The following LRRK1 variants were observed in gnomAD, a reference collection of about 807,000 sequenced individuals.
LRRK1 encodes the protein leucine-rich repeat serine/threonine-protein kinase 1.
Under a neutral mutation model 209.1 loss-of-function variants are expected in LRRK1, and 113 were observed. The ratio of observed to expected loss-of-function variants is 0.54; its 90% confidence interval spans 0.46 to 0.63. LRRK1 has a LOEUF of 0.63. Among genes scored for constraint, LRRK1 ranks in the 30% least tolerant of loss-of-function variants. The pLI is 0.00. For synonymous variants in LRRK1, 1,144 were observed against 1,099.7 expected (o/e 1.04, Z -0.80); for missense variants, 2,284 against 2,632.2 (o/e 0.87, Z 2.89).
chr15:101,035,248 G>A (rs1052603101), intron 20 of LRRK1, among the ~76,000 whole-genome samples: 2 of 151,848 alleles, frequency 1.3e-5, no homozygotes, highest in Non-Finnish European at 2.9e-5. Context: ...CTAATGCTGA[G>A]AGTGGTATGT....
chr15:101,054,352 C>T (rs78755851), intron 26 of LRRK1, among the ~76,000 whole-genome samples: 1 of 152,328 alleles, frequency 6.6e-6, no homozygotes, highest in East Asian at 1.9e-4. Flanking sequence ...GATTTCGAAC[C>T]CTTGCTCATT....
rs749917918 is a variant in LRRK1 at position 101,065,768 on chromosome 15, C to G, written c.5331C>G (p.Cys1777Trp). The G allele has an allele frequency of 6.2e-7, 1 of 1,613,986 alleles. No individual in the cohort carries two copies. The highest frequency in any genetic ancestry group is 8.5e-7 in the Non-Finnish European group (1 of 1,180,028). ...TTYQLCARYFCGVPSPLRDMF... is the reference protein window; with the variant it reads ...TTYQLCARYFWGVPSPLRDMF... ...ACCAGCTGTGTGCCCGGTACTTCTG[C>G]GGGGTCCCCAGCCCCCTCAGGGACA... is the stretch of plus-strand genomic sequence containing the variant. Residue 1777 changes from cysteine (C) to tryptophan (W), a missense_variant, in exon 32 of 34, where the codon TGC becomes TGG. Coordinates refer to ENST00000388948, the MANE Select transcript of LRRK1 (RefSeq NM_024652.6).
chr15:101,061,150 C>T, intron 29 of LRRK1, 21 bp from the exon 30 acceptor site: 1 of 1,566,288 alleles, frequency 6.4e-7, no homozygotes. Flanking sequence ...GCACTGACAG[C>T]ACAGTTTCTG....
chr15:100,931,422 CTT>C (rs1349739496), intron 2 of LRRK1, among the ~76,000 whole-genome samples: 2 of 152,192 alleles, frequency 1.3e-5, no homozygotes, highest in Non-Finnish European at 2.9e-5. Flanking sequence ...CAGAGAACAT[CTT>C]AATCGATTAT....
intron 2 of LRRK1, among the ~76,000 whole-genome samples, chr15:100,950,244 T>C (rs1385480920): frequency 6.6e-6 from 1 of 151,996 alleles, no homozygotes; most frequent in Non-Finnish European, 1.5e-5. Flanking sequence ...ACATTTACAA[T>C]AGTATCCAAA....
Position 101,015,335 on chromosome 15 carries a change from T to TG in LRRK1, c.1544dup (p.Leu516ThrfsTer20). 3 of 1,613,816 alleles carry TG rather than the reference T, an allele frequency of 1.9e-6. No individual in the cohort carries two copies. The highest frequency in any genetic ancestry group is 2.5e-6 in the Non-Finnish European group (3 of 1,179,792). ...TTTTTCCTCCCCCCAGAAATGAAGA[T>TG]GGACTGAAAACGAAGCGTATTGCCT... On this transcript the variant is annotated frameshift_variant, in exon 12 of 34. Transcript: ENST00000388948. LOFTEE classifies it high-confidence loss of function.
chr15:101,017,579 T>C (rs901044456), intron 12 of LRRK1, among the ~76,000 whole-genome samples: 1 of 152,108 alleles, frequency 6.6e-6, no homozygotes, highest in Non-Finnish European at 1.5e-5. Context: ...TGGATTCTCA[T>C]AGGAGCGCGA....
intron 7 of LRRK1, among the ~76,000 whole-genome samples, chr15:101,010,105 G>A (rs995133283): frequency 4.6e-5 from 7 of 152,178 alleles, no homozygotes; most frequent in East Asian, 1.9e-4. Context: ...CCTTCACCTG[G>A]GCCAGATGGA....
At chr15:101,012,958 G>T (rs2033343396) in intron 10 of LRRK1, among the ~76,000 whole-genome samples, 1 of 152,136 alleles carries the variant, frequency 6.6e-6, no homozygotes, top group Non-Finnish European at 1.5e-5. Context: ...TTCAGGCCTT[G>T]TCCACAGCCC....
At chr15:100,978,317 A>G (rs2031411202) in intron 3 of LRRK1, among the ~76,000 whole-genome samples, 1 of 152,190 alleles carries the variant, frequency 6.6e-6, no homozygotes, top group African/African-American at 2.4e-5. Context: ...AGAAGGCAAG[A>G]CTGAAGGAGA....
chr15:101,032,330 G>A (rs2034318664), intron 20 of LRRK1, among the ~76,000 whole-genome samples: 1 of 151,498 alleles, frequency 6.6e-6, no homozygotes, highest in Admixed American at 6.6e-5. Flanking sequence ...TGTGCACAAC[G>A]TGCAGGTTTG....
chr15:101,042,304 T>C (rs2034801443), intron 20 of LRRK1, among the ~76,000 whole-genome samples: 1 of 123,562 alleles, frequency 8.1e-6, no homozygotes, highest in Admixed American at 8.8e-5. Context: ...GATGTAGAAT[T>C]CTGGGTCATT....
intron 2 of LRRK1, among the ~76,000 whole-genome samples, chr15:100,934,829 A>C (rs549710240): frequency 1.4e-3 from 210 of 148,588 alleles, no homozygotes; most frequent in African/African-American, 4.6e-3. Context: ...AAAAGGAAGG[A>C]AGAAGAAAAC....
At chr15:100,990,211 C>T (rs1473553738) in intron 6 of LRRK1, among the ~76,000 whole-genome samples, 3 of 152,164 alleles carry the variant, frequency 2.0e-5, no homozygotes. Context: ...AGTATTCTAT[C>T]ATGGACTTCC....
At chr15:100,960,227 G>T (rs570738142) in intron 2 of LRRK1, among the ~76,000 whole-genome samples, 2 of 145,094 alleles carry the variant, frequency 1.4e-5, no homozygotes, top group African/African-American at 5.1e-5. Context: ...CAAAATCACC[G>T]TTCTTTGCTC....
At chr15:101,017,491 G>A (rs971591933) in intron 12 of LRRK1, among the ~76,000 whole-genome samples, 1 of 152,234 alleles carries the variant, frequency 6.6e-6, no homozygotes, top group Non-Finnish European at 1.5e-5. Context: ...GGCCTGCTAG[G>A]AACCAGGCCA....
intron 11 of LRRK1, among the ~76,000 whole-genome samples, chr15:101,014,644 T>TA (rs1321818976): frequency 6.6e-6 from 1 of 152,218 alleles, no homozygotes; most frequent in Non-Finnish European, 1.5e-5. Flanking sequence ...CCCCTCTCCT[T>TA]AGCTTGCAGA....
At chr15:101,000,023 A>G (rs994439430) in intron 6 of LRRK1, among the ~76,000 whole-genome samples, 10 of 152,230 alleles carry the variant, frequency 6.6e-5, no homozygotes, top group Admixed American at 6.5e-5. Flanking sequence ...GATATTTACA[A>G]TATTTTTTAA....
chr15:101,021,087 G>T lies in LRRK1; in HGVS notation c.1644G>T (p.Glu548Asp). The change falls in exon 13 of 34, where the codon GAG becomes GAT. Residue 548 changes from glutamate to aspartate, a missense_variant. Glu to Asp is a conservative substitution (Grantham distance 45). This residue lies in a region of LRRK1 where 494 missense variants were observed against 522.1 expected (regional missense o/e 0.95). Coordinates refer to ENST00000388948, the MANE Select transcript of LRRK1 (RefSeq NM_024652.6). ...SVLEFPAFLS[E>D]SLEVLCLNDN... ...TGGAATTTCCGGCCTTCCTAAGTGA[G>T]TCTTTGGAAGTCCTTTGCCTGAACG... The T allele has an allele frequency of 6.2e-7, 1 of 1,614,140 alleles. No homozygotes were observed. Among genetic ancestry groups the T allele is most frequent in the Non-Finnish European group, 8.5e-7 (1 of 1,179,962 alleles).
Sources: gnomAD v4.1 joint callset for allele counts (sites outside exome capture counted in the v4.1 genomes callset) on GRCh38, gnomAD v4.1.1 for gene constraint, gnomAD v4.1.1 regional missense constraint, MANE v1.5 for transcripts, NCBI Gene and HGNC (gene_info 2026-07-23, HGNC 2026-07-21) for gene names.